Variants in ELAPOR1 observed in about 807,000 individuals in gnomAD.
The protein encoded by ELAPOR1 is endosome-lysosome associated apoptosis and autophagy regulator 1.
A neutral mutation model predicts 119.7 loss-of-function variants in ELAPOR1; 77 were observed. The observed-to-expected ratio is 0.64, with a 90% CI of 0.54 to 0.78. ELAPOR1 has a LOEUF of 0.78. ELAPOR1 is among the 30% of genes least tolerant of loss of function. The pLI, the probability that ELAPOR1 is intolerant of heterozygous loss-of-function variation, is 0.00. For missense variants in ELAPOR1, 1,115 were observed against 1,270.4 expected (o/e 0.88, Z 1.86); for synonymous variants, 481 against 487.2 (o/e 0.99, Z 0.17).
chr1:109,195,351 G>A (rs1037549529), intron 15 of ELAPOR1, among the ~76,000 whole-genome samples: 32 of 151,970 alleles, frequency 2.1e-4, no homozygotes, highest in Admixed American at 1.7e-3. Flanking sequence ...AAAATTAGCC[G>A]GGCGTGGTGG....
intron 1 of ELAPOR1, among the ~76,000 whole-genome samples, chr1:109,144,061 A>ATATATATATATATATTT: frequency 2.7e-4 from 24 of 88,976 alleles, no homozygotes; most frequent in African/African-American, 8.2e-4. Flanking sequence ...ATATTTATAT[A>ATATATATATATATATTT]TTTTTTTTTT....
intron 21 of ELAPOR1, 115 bp downstream of exon 21, chr1:109,201,015 C>A: frequency 1.1e-6 from 1 of 926,768 alleles, no homozygotes; most frequent in Non-Finnish European, 1.6e-6. Flanking sequence ...TCCCCACGCC[C>A]GATACAATTC....
intron 5 of ELAPOR1, 131 bp downstream of exon 5, chr1:109,172,699 G>C: frequency 1.5e-6 from 1 of 675,252 alleles, no homozygotes; most frequent in Non-Finnish European, 2.6e-6. Flanking sequence ...ATATGATGAA[G>C]ATGCTGTAGT....
At chr1:109,125,173 C>T (rs1362352764) in intron 1 of ELAPOR1, among the ~76,000 whole-genome samples, 1 of 151,800 alleles carries the variant, frequency 6.6e-6, no homozygotes, top group Non-Finnish European at 1.5e-5. Flanking sequence ...AAGTGATCAA[C>T]CCACCTCGGC....
In ELAPOR1 at chr1:109,192,738, C is replaced by G; in HGVS notation, c.1811C>G (p.Ser604Cys). 1 of 1,614,124 alleles carries G rather than the reference C, an allele frequency of 6.2e-7. No homozygotes were observed. The highest frequency in any genetic ancestry group is 1.1e-5 in the South Asian group (1 of 91,088). The stretch of plus-strand genomic sequence containing the variant: ...TCTGATGTGGGCTCCTCCTGCACCT[C>G]TTGTCCTGCTGGTTACTATATTGAC... ...EASDVGSSCTSCPAGYYIDRD... is the reference protein window; with the variant it reads ...EASDVGSSCTCCPAGYYIDRD... Residue 604 changes from serine (S) to cysteine (C), a missense_variant, in exon 14 of 22, where the codon TCT becomes TGT. Physicochemically the swap from Ser to Cys is moderately radical, Grantham distance 112 (BLOSUM62 -1). Transcript: ENST00000369939.
chr1:109,199,733 G>C (rs530615944), intron 18 of ELAPOR1, 121 bp from the exon 19 acceptor site: 2 of 1,154,214 alleles, frequency 1.7e-6, no homozygotes, highest in East Asian at 4.9e-5. Flanking sequence ...GATCCTGGTA[G>C]GGCTAATGGT....
At position 109,187,829 on chromosome 1, in the gene ELAPOR1, C is replaced by T. The variant is rs528209169; in HGVS notation, c.1042-348C>T. Reference sequence around the variant, plus strand: ...GCCTTTCTGTGTTCTGGGATTTTCACCAGCTGCTTTTCCTGTGACCTTGGT... The same window carrying T: ...GCCTTTCTGTGTTCTGGGATTTTCATCAGCTGCTTTTCCTGTGACCTTGGT... On this transcript the variant is annotated intron_variant, in intron 8 of 21. Coordinates refer to ENST00000369939, the MANE Select transcript of ELAPOR1 (RefSeq NM_020775.5). The T allele has an allele frequency of 4.3e-5, 42 of 986,506 alleles. No individual in the cohort carries two copies. In the Admixed American group the frequency reaches 5.1e-4, roughly 12 times the overall value. 61.1% of individuals were successfully genotyped at this position (986,506 alleles called of 1,614,324 possible).
At chr1:109,173,390 A>G in intron 5 of ELAPOR1, 84 bp from the exon 6 acceptor site, 1 of 1,088,784 alleles carries the variant, frequency 9.2e-7, no homozygotes, top group Non-Finnish European at 1.4e-6. Context: ...TTAGTAAGAG[A>G]AGTCATCCCA....
intron 1 of ELAPOR1, among the ~76,000 whole-genome samples, chr1:109,153,514 A>G (rs991374892): frequency 6.6e-6 from 1 of 152,246 alleles, no homozygotes; most frequent in Admixed American, 6.5e-5. Context: ...ATACCATATG[A>G]TCTTCATTTG....
Position 109,194,402 on chromosome 1 carries a change from C to A in ELAPOR1, c.1948-19C>A. 1 of 1,610,858 alleles carries A rather than the reference C, an allele frequency of 6.2e-7. No individual in the cohort carries two copies. The highest frequency in any genetic ancestry group is 8.5e-7 in the Non-Finnish European group (1 of 1,177,890). ...GCCCTTCCTGACCAGCTGGCCCGAC[C>A]CGTCCCTCTCCCCCTCAGATCCACT... On this transcript the variant is annotated intron_variant, in intron 14 of 21. Coordinates refer to ENST00000369939, the MANE Select transcript of ELAPOR1 (RefSeq NM_020775.5).
In ELAPOR1 at chr1:109,161,409, CAA is replaced by C. The variant is rs59573644; in HGVS notation, c.154-462_154-461del. Among the ~76,000 whole-genome samples the C allele has an allele frequency of 8.4e-3, 470 of 56,276 alleles. 2 individuals carry two copies. The highest frequency in any genetic ancestry group is 0.028 in the African/African-American group (435 of 15,714). 36.9% of individuals were successfully genotyped at this position (56,276 alleles called of 152,430 possible). On this transcript the variant is annotated intron_variant, in intron 1 of 21. Coordinates refer to ENST00000369939, the MANE Select transcript of ELAPOR1 (RefSeq NM_020775.5). ...TGGGCGACAGAGCGAGACTCCGTCT[CAA>C]AAAAAAAAAAAAAAAAAAAAAAGAA...
intron 1 of ELAPOR1, among the ~76,000 whole-genome samples, chr1:109,161,263 A>G (rs1450491576): frequency 6.6e-6 from 1 of 151,794 alleles, no homozygotes; most frequent in East Asian, 1.9e-4. Flanking sequence ...TACAAAAATT[A>G]GCCTGGCGTG....
Position 109,189,634 on chromosome 1 carries a change from C to T in ELAPOR1, c.1391C>T (p.Ala464Val). 2 of 1,614,138 alleles carry T rather than the reference C, an allele frequency of 1.2e-6. No homozygotes were observed. The highest frequency in any genetic ancestry group is 1.7e-6 in the Non-Finnish European group (2 of 1,180,016). Residue 464 changes from alanine to valine, a missense_variant, in exon 11 of 22, where the codon GCC becomes GTC. By Grantham distance (64) the Ala-to-Val change is moderately conservative. Coordinates refer to ENST00000369939, the MANE Select transcript of ELAPOR1 (RefSeq NM_020775.5). The part of the protein sequence containing the change: ...AGDHIYTAAG[A>V]SDNDFMILTL... ...GATCACATTTACACAGCTGCTGGAG[C>T]CTCAGACAATGACTTCATGATTCTC...
intron 7 of ELAPOR1, among the ~76,000 whole-genome samples, chr1:109,174,860 C>T (rs979438685): frequency 3.9e-5 from 6 of 152,128 alleles, no homozygotes; most frequent in Non-Finnish European, 5.9e-5. Context: ...GGACTACAGG[C>T]GCCCGCCACT....
chr1:109,174,413 T>TAAAAAAAAAAAA lies in ELAPOR1; in HGVS notation c.952+600_952+611dup, dbSNP rs59275691. On this transcript the variant is annotated intron_variant, in intron 7 of 21. Transcript: ENST00000369939. ...GGGTGACAGAGTAAGACCCTGTCTC[T>TAAAAAAAAAAAA]AAAAAAAAAAAAAAAAAAAAAAAAA... Among the ~76,000 whole-genome samples the TAAAAAAAAAAAA allele has an allele frequency of 1.7e-4, 7 of 42,044 alleles. No homozygotes were observed. In the Admixed American group the frequency reaches 1.9e-3, roughly 11 times the overall value. The allele number at this position is 42,044 out of a possible 152,430, so 27.6% of individuals were successfully genotyped here.
At chr1:109,144,601 G>C (rs1024511888) in intron 1 of ELAPOR1, among the ~76,000 whole-genome samples, 16 of 152,168 alleles carry the variant, frequency 1.1e-4, no homozygotes, top group Non-Finnish European at 2.1e-4. Context: ...AATTAGCCGG[G>C]TGTGGCGGCA....
rs546776777 is a variant in ELAPOR1, at chr1:109,155,299, C to T, written c.154-6595C>T. 3.9e-5 allele frequency among the ~76,000 whole-genome samples: 6 copies of T among 152,228 alleles called. No individual in the cohort carries two copies. In the South Asian group the frequency reaches 6.2e-4, roughly 16 times the overall value. The stretch of plus-strand genomic sequence containing the variant: ...CACGCCATTCTCCTGCCTCAGCCTC[C>T]TGAGTAGCTGGGACTACAGGCACCC... On this transcript the variant is annotated intron_variant, in intron 1 of 21. Transcript: ENST00000369939.
rs1570681353 is a variant in ELAPOR1, at chr1:109,172,562, C to T, written c.690C>T (p.Phe230=). The change falls in exon 5 of 22, where the codon TTC becomes TTT. Residue 230 remains phenylalanine (F), a synonymous_variant. Coordinates refer to ENST00000369939, the MANE Select transcript of ELAPOR1 (RefSeq NM_020775.5). Reference sequence around the variant, plus strand: ...AGACCACAGAGAAAGGATGGGAATTCCACAGTGTGAGTATCACACCAGCCT... The same window carrying T: ...AGACCACAGAGAAAGGATGGGAATTTCACAGTGTGAGTATCACACCAGCCT... ...WMKTTEKGWE[F]HSVELNRGNN... 1.2e-6 allele frequency: 2 copies of T among 1,612,364 alleles called. No homozygotes were observed. Among genetic ancestry groups the T allele is most frequent in the Admixed American group, 1.7e-5 (1 of 59,984 alleles).
rs1460885006 is a variant in ELAPOR1, at chr1:109,203,819, T to C, written c.*807T>C. 1 of 140,218 alleles carries C rather than the reference T, an allele frequency of 7.1e-6. No homozygotes were observed. Among genetic ancestry groups the C allele is most frequent in the Non-Finnish European group, 1.5e-5 (1 of 66,702 alleles). The allele number at this position is 140,218 out of a possible 1,614,324, so 8.7% of individuals were successfully genotyped here. A position where few individuals can be genotyped will look rare whatever the true frequency, so the allele number is the denominator to read the frequency against. On this transcript the variant is annotated 3_prime_UTR_variant, in exon 22 of 22. Transcript: ENST00000369939. ...TGAACCTGGAAGGCGGAGCTTGCAG[T>C]GAGCCGAGATCGCGCCACTGCACTC... is the stretch of plus-strand genomic sequence containing the variant.
Sources: gnomAD v4.1 joint callset for allele counts (sites outside exome capture counted in the v4.1 genomes callset) on GRCh38, gnomAD v4.1.1 for gene constraint, MANE v1.5 for transcripts, NCBI Gene and HGNC (gene_info 2026-07-23, HGNC 2026-07-21) for gene names.